AGTPBP1: variants seen among roughly 807,000 people sequenced by gnomAD.
The protein encoded by AGTPBP1 is ATP/GTP binding carboxypeptidase 1, also known as cytosolic carboxypeptidase 1.
Under a neutral mutation model 143.9 loss-of-function variants are expected in AGTPBP1, and 70 were observed. The ratio of observed to expected loss-of-function variants is 0.49; its 90% CI spans 0.40 to 0.59. AGTPBP1 has a LOEUF of 0.59. Among genes scored for constraint, AGTPBP1 ranks in the 20% least tolerant of loss-of-function variants. The pLI is 0.00. For synonymous variants in AGTPBP1, 463 were observed against 500.2 expected (o/e 0.93, Z 0.99); for missense variants, 1,229 against 1,464.5 (o/e 0.84, Z 2.62).
intron 25 of AGTPBP1, among the ~76,000 whole-genome samples, chr9:85,573,672 C>T (rs934541291): frequency 9.2e-5 from 14 of 151,534 alleles, no homozygotes; most frequent in Middle Eastern, 3.4e-3. Flanking sequence ...AGCCTCTTCC[C>T]GGCCGCCATC....
intron 2 of AGTPBP1, among the ~76,000 whole-genome samples, chr9:85,693,978 C>A (rs953953022): frequency 1.3e-5 from 2 of 152,062 alleles, no homozygotes; most frequent in Non-Finnish European, 2.9e-5. Flanking sequence ...AGCAAACCTG[C>A]CATGTTCTAT....
intron 3 of AGTPBP1, among the ~76,000 whole-genome samples, chr9:85,681,843 G>A (rs899284820): frequency 7.2e-6 from 1 of 138,496 alleles, no homozygotes. Flanking sequence ...TCCGCCTCCC[G>A]GGTTTAAGTG....
rs376521014 is a variant in AGTPBP1, at chr9:85,635,845, C to T, written c.1303-2471G>A. ...CACCACAAAAGAAAAAAAAAAAACA[C>T]GTAAAAAGAAAAGCCAACTGTCTTA... On this transcript the variant is annotated intron_variant, in intron 13 of 25. Transcript: ENST00000357081. Among the ~76,000 whole-genome samples the T allele has an allele frequency of 1.2e-4, 18 of 150,990 alleles. 1 individual carries two copies. The highest frequency in any genetic ancestry group is 4.2e-4 in the South Asian group (2 of 4,776).
At chr9:85,782,002 T>A in the AGTPBP1 span, among the ~76,000 whole-genome samples, 508 of 152,290 alleles carry the variant, frequency 3.3e-3, 3 homozygotes, top group African/African-American at 0.012. Flanking sequence ...AATAATAAAG[T>A]CTACATTTTA....
At chr9:85,755,939 C>G in the AGTPBP1 span, 5 of 652,868 alleles carry the variant, frequency 7.7e-6, no homozygotes, top group Non-Finnish European at 1.2e-5. Context: ...TCTCAGACGG[C>G]TACCTGAGTT....
At chr9:85,703,955 A>G (rs1448971019) in intron 2 of AGTPBP1, among the ~76,000 whole-genome samples, 2 of 152,250 alleles carry the variant, frequency 1.3e-5, no homozygotes, top group African/African-American at 2.4e-5. Context: ...TAAGTTTCAA[A>G]TAGGAGGGAC....
At chr9:85,787,866 T>A in the AGTPBP1 span, 1 of 152,224 alleles carries the variant, frequency 6.6e-6, no homozygotes, top group African/African-American at 2.4e-5. Context: ...TTTTTTCTGA[T>A]GTAGTGCTGC....
intron 13 of AGTPBP1, among the ~76,000 whole-genome samples, chr9:85,639,802 G>A (rs1832346599): frequency 6.6e-6 from 1 of 152,116 alleles, no homozygotes; most frequent in Non-Finnish European, 1.5e-5. Context: ...AGAAACAAGA[G>A]AAAATAAAAC....
rs536008088 is a variant in AGTPBP1, at chr9:85,669,599, T to A, written c.569-21A>T. 4.4e-5 allele frequency: 69 copies of A among 1,556,856 alleles called. No individual in the cohort carries two copies. In the East Asian group the frequency reaches 6.5e-4, roughly 15 times the overall value. ...CACAGCTGAGAGGGGGAGAAAGAGA[T>A]GCAAAATTATTTTAAGGTTTGACAA... On this transcript the variant is annotated intron_variant, in intron 7 of 25. Transcript: ENST00000357081.
the AGTPBP1 span, among the ~76,000 whole-genome samples, chr9:85,769,063 A>G: frequency 2.0e-5 from 3 of 152,162 alleles, no homozygotes; most frequent in East Asian, 5.8e-4. Flanking sequence ...AAAAAAAAAA[A>G]AAAAAGAAAT....
chr9:85,602,108 C>A (rs1829710146), intron 17 of AGTPBP1, among the ~76,000 whole-genome samples: 1 of 152,032 alleles, frequency 6.6e-6, no homozygotes, highest in South Asian at 2.1e-4. Context: ...AAATATGACA[C>A]CTCCAAAGCA....
chr9:85,661,796 T>C (rs553596617), intron 8 of AGTPBP1, among the ~76,000 whole-genome samples: 3 of 152,178 alleles, frequency 2.0e-5, no homozygotes, highest in South Asian at 4.1e-4. Flanking sequence ...ATTTTTAAAA[T>C]GTAAGGCACA....
At chr9:85,698,579 A>G (rs72746617) in intron 2 of AGTPBP1, among the ~76,000 whole-genome samples, 3 of 152,188 alleles carry the variant, frequency 2.0e-5, no homozygotes, top group Non-Finnish European at 4.4e-5. Context: ...AAATGAAAGA[A>G]AAAAAGCTAT....
rs748028618 is a variant in AGTPBP1, at chr9:85,618,984, A to G, written c.2334T>C (p.Tyr778=). 6.2e-7 allele frequency: 1 copy of G among 1,610,342 alleles called. No homozygotes were observed. Among genetic ancestry groups the G allele is most frequent in the South Asian group, 1.1e-5 (1 of 89,912 alleles). The change falls in exon 17 of 26, where the codon TAT becomes TAC. Residue 778 remains tyrosine (Y), a splice_region_variant and synonymous_variant. Coordinates refer to ENST00000357081, the MANE Select transcript of AGTPBP1 (RefSeq NM_001330701.2). The stretch of plus-strand genomic sequence containing the variant: ...AATTGGGAAAGAAAACTGTCTTACC[A>G]TAATTAAACTGACTGTTGGACTTTT... ...NCEKSNSQFN[Y]GMQPLMYSVQ... is the part of the protein sequence containing the mutation.
At chr9:85,568,116 C>T (rs1827225308) in intron 25 of AGTPBP1, among the ~76,000 whole-genome samples, 1 of 152,152 alleles carries the variant, frequency 6.6e-6, no homozygotes, top group Non-Finnish European at 1.5e-5. Context: ...AATAAGGCTA[C>T]TCAAGGTGTG....
At chr9:85,606,007 T>C (rs924679542) in intron 17 of AGTPBP1, among the ~76,000 whole-genome samples, 1 of 151,798 alleles carries the variant, frequency 6.6e-6, no homozygotes, top group Non-Finnish European at 1.5e-5. Flanking sequence ...ACAAAACAAT[T>C]GGAAAACAAC....
intron 24 of AGTPBP1, among the ~76,000 whole-genome samples, chr9:85,578,555 T>A (rs1046571544): frequency 7.9e-5 from 12 of 152,128 alleles, no homozygotes; most frequent in Non-Finnish European, 1.8e-4. Flanking sequence ...ATTTTAAATG[T>A]AAAAAAATTT....
At chr9:85,559,522 A>C (rs2132825064) in intron 25 of AGTPBP1, among the ~76,000 whole-genome samples, 1 of 152,184 alleles carries the variant, frequency 6.6e-6, no homozygotes, top group East Asian at 1.9e-4. Flanking sequence ...AGACAGGAAT[A>C]ACACAGGGTG....
intron 1 of AGTPBP1, among the ~76,000 whole-genome samples, chr9:85,740,056 C>T (rs1245028975): frequency 1.3e-5 from 2 of 152,230 alleles, no homozygotes; most frequent in South Asian, 2.1e-4. Context: ...ACTGTTGGAC[C>T]TCTTTTCCTT....
Sources: allele counts gnomAD v4.1 joint callset (sites outside exome capture counted in the v4.1 genomes callset), GRCh38; gene constraint gnomAD v4.1.1; transcripts MANE v1.5; gene names NCBI Gene and HGNC (gene_info 2026-07-23, HGNC 2026-07-21).